CELF4: variants seen among roughly 807,000 people sequenced by gnomAD.
CELF4 encodes the protein CUGBP Elav-like family member 4, also known as CUG-BP- and ETR-3-like factor 4.
A neutral mutation model predicts 59.9 loss-of-function variants in CELF4; 18 were observed. The observed-to-expected ratio is 0.30, with a 90% CI of 0.21 to 0.45. CELF4 has a LOEUF of 0.45. CELF4 is among the 20% of genes least tolerant of loss of function. The pLI is 1.00. For missense variants in CELF4, 456 were observed against 689.0 expected (o/e 0.66, Z 3.79); for synonymous variants, 261 against 267.1 (o/e 0.98, Z 0.22).
intron 2 of CELF4, among the ~76,000 whole-genome samples, chr18:37,353,961 T>C (rs565485754): frequency 9.9e-5 from 15 of 152,096 alleles, no homozygotes; most frequent in African/African-American, 3.1e-4. Context: ...TTCACCGTGT[T>C]AGCCAGGATG....
intron 2 of CELF4, among the ~76,000 whole-genome samples, chr18:37,426,296 T>C (rs142696993): frequency 3.2e-3 from 483 of 152,326 alleles, no homozygotes; most frequent in African/African-American, 0.011. Flanking sequence ...GTCTCCTCTA[T>C]CAGCCTCAGT....
chr18:37,396,898 T>G (rs2154580207), intron 2 of CELF4, among the ~76,000 whole-genome samples: 1 of 152,218 alleles, frequency 6.6e-6, no homozygotes, highest in Admixed American at 6.5e-5. Flanking sequence ...TGAGGCAAAC[T>G]CACCCTGCTC....
rs1412585912 is a variant in CELF4 at position 37,253,846 on chromosome 18, G to A, written c.1426C>T (p.Leu476=). The stretch of plus-strand genomic sequence containing the variant: ...CGATTGGCGTCTTTGGGCCGCTTCA[G>A]CTGCACCTTGAGCCTCTTCATGCCG... ...QIGMKRLKVQ[L]KRPKDANRPY The change falls in exon 12 of 13, where the codon CTG becomes TTG. Residue 476 remains leucine, a synonymous_variant. Coordinates refer to ENST00000420428, the MANE Select transcript of CELF4 (RefSeq NM_020180.4). The surrounding 1 kb of genome is among the most constrained non-coding windows in gnomAD (Gnocchi z 4.5). 6.2e-7 allele frequency: 1 copy of A among 1,608,084 alleles called. No individual in the cohort carries two copies.
chr18:37,343,223 G>A (rs760579852), intron 2 of CELF4, among the ~76,000 whole-genome samples: 15 of 152,172 alleles, frequency 9.9e-5, no homozygotes, highest in Non-Finnish European at 1.8e-4. Flanking sequence ...GAAAAGAAGT[G>A]TGCATGGGAA....
intron 1 of CELF4, among the ~76,000 whole-genome samples, chr18:37,561,979 G>A (rs986990212): frequency 1.2e-4 from 18 of 152,296 alleles, no homozygotes; most frequent in Admixed American, 3.3e-4. Context: ...CTTGGGTGTT[G>A]TTTCTTTGAA....
At chr18:37,416,835 A>C (rs185370598) in intron 2 of CELF4, among the ~76,000 whole-genome samples, 1 of 152,284 alleles carries the variant, frequency 6.6e-6, no homozygotes, top group East Asian at 1.9e-4. Context: ...GCACTTCTGC[A>C]ATCAGGTAGG....
chr18:37,434,449 A>G (rs1397094502), intron 2 of CELF4, among the ~76,000 whole-genome samples: 4 of 152,184 alleles, frequency 2.6e-5, no homozygotes, highest in African/African-American at 9.7e-5. Context: ...AGTCACCTTC[A>G]TGGGGCAAAA....
chr18:37,485,459 C>T (rs1603642398), intron 2 of CELF4, 66 bp downstream of exon 2: 2 of 1,059,780 alleles, frequency 1.9e-6, no homozygotes, highest in Non-Finnish European at 2.4e-6. Flanking sequence ...CGCGCCGCCG[C>T]CCGGCCTCCC....
intron 1 of CELF4, among the ~76,000 whole-genome samples, chr18:37,534,630 G>A (rs1049650068): frequency 6.6e-6 from 1 of 152,156 alleles, no homozygotes; most frequent in Admixed American, 6.5e-5. Flanking sequence ...GCATTCAACC[G>A]ACGAACTTCA....
chr18:37,447,170 TGTGCAGCCAACGGGCCAA>T (rs2099750444), intron 2 of CELF4, among the ~76,000 whole-genome samples: 1 of 152,202 alleles, frequency 6.6e-6, no homozygotes, highest in Non-Finnish European at 1.5e-5. Context: ...AGTGGGTGCC[TGTGCAGCCAACGGGCCAA>T]GGGCTCTGGA....
At chr18:37,311,364 A>G (rs887609014) in intron 3 of CELF4, among the ~76,000 whole-genome samples, 1 of 152,112 alleles carries the variant, frequency 6.6e-6, no homozygotes, top group Non-Finnish European at 1.5e-5. Context: ...TCCTTCCCCA[A>G]CCACGAAGAC....
chr18:37,419,711 G>A (rs145690833), intron 2 of CELF4, among the ~76,000 whole-genome samples: 152 of 152,280 alleles, frequency 1.0e-3, no homozygotes, highest in African/African-American at 3.4e-3. Context: ...GACGCCCTCC[G>A]GTACCCAAAG....
At chr18:37,303,884 C>T (rs149969957) in intron 3 of CELF4, among the ~76,000 whole-genome samples, 2 of 152,202 alleles carry the variant, frequency 1.3e-5, no homozygotes, top group Admixed American at 6.5e-5. Context: ...CCCTCCTGGC[C>T]GTAGGCATCC....
chr18:37,247,623 A>G (rs2062832196), intron 12 of CELF4: 7 of 151,718 alleles, frequency 4.6e-5, no homozygotes. Context: ...GCACATCAAC[A>G]CACACACACG....
intron 1 of CELF4, among the ~76,000 whole-genome samples, chr18:37,537,994 C>T (rs2099974928): frequency 6.6e-6 from 1 of 152,240 alleles, no homozygotes; most frequent in African/African-American, 2.4e-5. Context: ...GAGTCCCAGG[C>T]GCTGAATCCA....
chr18:37,371,911 A>C (rs1404200295), intron 2 of CELF4, among the ~76,000 whole-genome samples: 1 of 152,214 alleles, frequency 6.6e-6, no homozygotes, highest in Non-Finnish European at 1.5e-5. Context: ...AGCAGCTCTG[A>C]GTACACTCTT....
At position 37,478,909 on chromosome 18, in the gene CELF4, G is replaced by A. The variant is rs138032389; in HGVS notation, c.369+6616C>T. Among the ~76,000 whole-genome samples, 705 of 152,340 alleles carry A rather than the reference G, an allele frequency of 4.6e-3. 11 individuals are homozygous for A. Among genetic ancestry groups the A allele is most frequent in the Non-Finnish European group, 5.8e-3 (397 of 68,038 alleles). On this transcript the variant is annotated intron_variant, in intron 2 of 12. Transcript: ENST00000420428. Reference sequence around the variant, plus strand: ...GGCTAGGGCACATGCCTGCCAAGCAGGTTTGCTGTTGGGATGGGGGCTCTT... The same window carrying A: ...GGCTAGGGCACATGCCTGCCAAGCAAGTTTGCTGTTGGGATGGGGGCTCTT...
chr18:37,294,994 C>T (rs552237819), intron 3 of CELF4, among the ~76,000 whole-genome samples: 2 of 152,180 alleles, frequency 1.3e-5, no homozygotes, highest in African/African-American at 2.4e-5. Context: ...TGATGGGTCT[C>T]GGGCAGGAAG....
At chr18:37,541,465 C>A (rs2099977759) in intron 1 of CELF4, among the ~76,000 whole-genome samples, 1 of 152,152 alleles carries the variant, frequency 6.6e-6, no homozygotes, top group Non-Finnish European at 1.5e-5. Flanking sequence ...ATCCATGCCC[C>A]ACCATTGCTC....
Sources: allele counts gnomAD v4.1 joint callset (sites outside exome capture counted in the v4.1 genomes callset), GRCh38; gene constraint gnomAD v4.1.1; non-coding constraint Gnocchi (gnomAD v3.1); transcripts MANE v1.5; gene names NCBI Gene and HGNC (gene_info 2026-07-23, HGNC 2026-07-21).